The following AGBL4 variants were observed in gnomAD, a reference collection of about 807,000 sequenced individuals.
AGBL4 encodes the protein AGBL carboxypeptidase 4, also known as cytosolic carboxypeptidase 6.
Under a neutral mutation model 66.4 loss-of-function variants are expected in AGBL4, and 58 were observed. The observed-to-expected ratio is 0.87, with a 90% CI of 0.71 to 1.09. The LOEUF is 1.09. Ranked by LOEUF, AGBL4 falls within the 50% of genes least tolerant of loss-of-function variation. The pLI, the probability that AGBL4 is intolerant of heterozygous loss-of-function variation, is 0.00. For synonymous variants in AGBL4, 234 were observed against 222.9 expected, an observed-to-expected ratio of 1.05 and a Z score of -0.44; for missense variants, 579 against 631.0, an observed-to-expected ratio of 0.92 and a Z score of 0.88.
intron 5 of AGBL4, among the ~76,000 whole-genome samples, chr1:49,031,142 C>T (rs1664191782): frequency 6.6e-6 from 1 of 152,030 alleles, no homozygotes; most frequent in Non-Finnish European, 1.5e-5. Flanking sequence ...GGCTGGAGTG[C>T]AGTGCAGCAA....
At chr1:49,112,346 A>G (rs1645429379) in intron 4 of AGBL4, among the ~76,000 whole-genome samples, 1 of 152,236 alleles carries the variant, frequency 6.6e-6, no homozygotes, top group Non-Finnish European at 1.5e-5. Context: ...GAGCCTTCAG[A>G]GAGTCATCAT....
chr1:49,612,157 G>A (rs977664880), intron 3 of AGBL4, among the ~76,000 whole-genome samples: 7 of 152,066 alleles, frequency 4.6e-5, no homozygotes, highest in African/African-American at 1.7e-4. Context: ...TGTGTGTATT[G>A]CAGATGGTGA....
rs566346969 is a variant in AGBL4, at chr1:49,877,995, C to T, written c.35-26477G>A. On this transcript the variant is annotated intron_variant, in intron 1 of 13. Coordinates refer to ENST00000371839, the MANE Select transcript of AGBL4 (RefSeq NM_032785.4). ...ATGGTAGTTTGTATTTCTATGGGAT[C>T]GGTGGTGATATCCCCTTTATCATTT... Among the ~76,000 whole-genome samples, 22 of 152,108 alleles carry T rather than the reference C, an allele frequency of 1.4e-4. 1 individual carries two copies. The South Asian group carries it at 1.9e-3, about 13-fold the overall frequency.
chr1:49,899,148 A>G (rs1649515473), intron 1 of AGBL4, among the ~76,000 whole-genome samples: 1 of 152,242 alleles, frequency 6.6e-6, no homozygotes, highest in Admixed American at 6.5e-5. Context: ...TTTGTAATAC[A>G]AAGGATAAAT....
intron 3 of AGBL4, among the ~76,000 whole-genome samples, chr1:49,648,514 C>T (rs544889390): frequency 6.6e-6 from 1 of 152,048 alleles, no homozygotes; most frequent in Admixed American, 6.6e-5. Context: ...ATCCAGGAGG[C>T]TCACAGAACA....
chr1:49,743,218 C>G (rs1650685534), intron 2 of AGBL4, among the ~76,000 whole-genome samples: 2 of 152,144 alleles, frequency 1.3e-5, no homozygotes, highest in South Asian at 4.1e-4. Context: ...AAAAAACAAA[C>G]AACCCCAACA....
chr1:49,709,748 A>C (rs1317402044), intron 2 of AGBL4, among the ~76,000 whole-genome samples: 2 of 152,218 alleles, frequency 1.3e-5, no homozygotes, highest in East Asian at 3.8e-4. Flanking sequence ...ATTTACAAGA[A>C]AAAAACAAAG....
intron 6 of AGBL4, among the ~76,000 whole-genome samples, chr1:48,705,283 C>A (rs1557891508): frequency 6.6e-6 from 1 of 152,006 alleles, no homozygotes; most frequent in Admixed American, 6.5e-5. Context: ...AGAAAGTATA[C>A]AATTGGGTGA....
intron 7 of AGBL4, among the ~76,000 whole-genome samples, chr1:48,654,142 T>G (rs1035621190): frequency 6.6e-6 from 1 of 152,184 alleles, no homozygotes; most frequent in Non-Finnish European, 1.5e-5. Flanking sequence ...TTTTTCCTAC[T>G]GCCAGGCAGT....
chr1:49,767,435 A>G (rs1643916924), intron 2 of AGBL4, among the ~76,000 whole-genome samples: 1 of 152,094 alleles, frequency 6.6e-6, no homozygotes, highest in African/African-American at 2.4e-5. Context: ...GAACATATAA[A>G]ATTTCTGAAA....
intron 2 of AGBL4, among the ~76,000 whole-genome samples, chr1:49,778,767 T>G (rs1392341112): frequency 6.6e-6 from 1 of 151,914 alleles, no homozygotes; most frequent in Non-Finnish European, 1.5e-5. Flanking sequence ...TGGGTGCACA[T>G]GAACATAAAA....
chr1:49,553,472 A>G (rs1257240768), intron 3 of AGBL4, among the ~76,000 whole-genome samples: 1 of 152,204 alleles, frequency 6.6e-6, no homozygotes, highest in Non-Finnish European at 1.5e-5. Context: ...TTTCTAGGGT[A>G]GTCTATAATA....
intron 5 of AGBL4, among the ~76,000 whole-genome samples, chr1:48,917,481 G>T (rs1256777428): frequency 6.6e-6 from 1 of 152,036 alleles, no homozygotes. Context: ...TTACCTAGCA[G>T]CTGTACTATC....
At chr1:49,992,934 T>C (rs1009060498) in intron 1 of AGBL4, among the ~76,000 whole-genome samples, 1 of 152,188 alleles carries the variant, frequency 6.6e-6, no homozygotes, top group Non-Finnish European at 1.5e-5. Flanking sequence ...TCACGTTTTC[T>C]TTTTTACCAT....
At chr1:48,536,084 A>G (rs1643966493) in intron 12 of AGBL4, among the ~76,000 whole-genome samples, 1 of 152,192 alleles carries the variant, frequency 6.6e-6, no homozygotes, top group Non-Finnish European at 1.5e-5. Flanking sequence ...TTAGGAGCTC[A>G]GCAGAGAGGA....
At chr1:49,116,408 C>T (rs1176837042) in intron 4 of AGBL4, among the ~76,000 whole-genome samples, 2 of 152,152 alleles carry the variant, frequency 1.3e-5, no homozygotes, top group Admixed American at 6.5e-5. Context: ...GTGTGATACT[C>T]CCCATCCTGT....
chr1:49,841,802 A>C (rs1181738845), intron 2 of AGBL4: 2 of 314,406 alleles, frequency 6.4e-6, no homozygotes, highest in African/African-American at 4.4e-5. Flanking sequence ...AATGTGATAA[A>C]AAAAAAAAAA....
At chr1:48,776,825 C>T in intron 6 of AGBL4, 1 of 1,504,632 alleles carries the variant, frequency 6.6e-7, no homozygotes, top group Non-Finnish European at 8.9e-7. Context: ...CGCACAAAGG[C>T]GTACATGGTG....
intron 4 of AGBL4, among the ~76,000 whole-genome samples, chr1:49,223,193 C>T (rs1307425320): frequency 6.6e-6 from 1 of 151,886 alleles, no homozygotes; most frequent in Non-Finnish European, 1.5e-5. Flanking sequence ...AAGGTTGAGC[C>T]TTTAAGTTTA....
Sources: gnomAD v4.1 joint callset for allele counts (sites outside exome capture counted in the v4.1 genomes callset) on GRCh38, gnomAD v4.1.1 for gene constraint, MANE v1.5 for transcripts, NCBI Gene and HGNC (gene_info 2026-07-23, HGNC 2026-07-21) for gene names.